FSTL5: variants seen among roughly 807,000 people sequenced by gnomAD.
FSTL5 encodes follistatin-related protein 5.
In FSTL5, 62 loss-of-function variants were observed where a neutral mutation model predicts 89.1. That is an observed-to-expected ratio of 0.70 (90% CI 0.57 to 0.86). FSTL5 has a LOEUF of 0.86. FSTL5 is among the 40% of genes least tolerant of loss of function. FSTL5 has a pLI of 0.00. For missense variants in FSTL5, 1,057 were observed against 1,001.6 expected (o/e 1.06, Z -0.75); for synonymous variants, 383 against 346.2 (o/e 1.11, Z -1.18).
At chr4:161,520,154 T>G (rs1263146871) in intron 10 of FSTL5, among the ~76,000 whole-genome samples, 1 of 152,018 alleles carries the variant, frequency 6.6e-6, no homozygotes, top group Non-Finnish European at 1.5e-5. Flanking sequence ...TACTTAGATA[T>G]TAATTAGCAT....
intron 4 of FSTL5, among the ~76,000 whole-genome samples, chr4:161,906,420 T>C (rs967756894): frequency 3.9e-5 from 6 of 152,092 alleles, no homozygotes; most frequent in South Asian, 2.1e-4. Context: ...TGATTGGAAA[T>C]GAGGTTGGAA....
At chr4:161,812,191 T>C (rs1215499097) in intron 4 of FSTL5, among the ~76,000 whole-genome samples, 1 of 152,206 alleles carries the variant, frequency 6.6e-6, no homozygotes, top group Admixed American at 6.5e-5. Flanking sequence ...TTAACAGATG[T>C]TTCATTTAAA....
At chr4:161,762,660 T>C (rs988599960) in intron 5 of FSTL5, among the ~76,000 whole-genome samples, 2 of 152,220 alleles carry the variant, frequency 1.3e-5, no homozygotes, top group African/African-American at 4.8e-5. Flanking sequence ...CAAGATACCA[T>C]CTTATGATCT....
chr4:161,980,840 G>T (rs1309234035), intron 3 of FSTL5, among the ~76,000 whole-genome samples: 3 of 133,372 alleles, frequency 2.2e-5, no homozygotes, highest in Non-Finnish European at 3.1e-5. Context: ...GCAATGGCGC[G>T]ATCTCGGCAC....
At chr4:161,430,629 A>G (rs1438973271) in intron 15 of FSTL5, among the ~76,000 whole-genome samples, 2 of 152,176 alleles carry the variant, frequency 1.3e-5, no homozygotes, top group Non-Finnish European at 2.9e-5. Flanking sequence ...AGTCCCAGCT[A>G]TTTGGGAAGC....
chr4:162,082,531 CTT>C (rs5863515), intron 2 of FSTL5, among the ~76,000 whole-genome samples: 118 of 144,676 alleles, frequency 8.2e-4, no homozygotes, highest in South Asian at 2.2e-3. Context: ...TAAACAAATT[CTT>C]TTTTTTTTTT....
intron 15 of FSTL5, among the ~76,000 whole-genome samples, chr4:161,453,324 T>C (rs527953786): frequency 6.6e-6 from 1 of 152,314 alleles, no homozygotes; most frequent in African/African-American, 2.4e-5. Flanking sequence ...TATCTAATTA[T>C]TGGTTATTAA....
chr4:162,032,654 A>T (rs983751597), intron 3 of FSTL5: 2 of 152,194 alleles, frequency 1.3e-5, no homozygotes, highest in African/African-American at 4.8e-5. Flanking sequence ...AAATGTGCAG[A>T]GAGGATTCTA....
At chr4:161,841,196 G>A (rs78885282) in intron 4 of FSTL5, among the ~76,000 whole-genome samples, 6,822 of 152,180 alleles carry the variant, frequency 0.045, 201 homozygotes, top group Non-Finnish European at 0.069. Flanking sequence ...ATTGCTCAAA[G>A]TGCATACACC....
At chr4:161,734,527 T>C (rs547547744) in intron 6 of FSTL5, among the ~76,000 whole-genome samples, 1 of 152,274 alleles carries the variant, frequency 6.6e-6, no homozygotes, top group South Asian at 2.1e-4. Flanking sequence ...ATGTAAGTGA[T>C]GTTTTGGTTC....
At chr4:161,977,612 CAAAAAAAAA>C (rs796909244) in intron 3 of FSTL5, among the ~76,000 whole-genome samples, 1,845 of 94,924 alleles carry the variant, frequency 0.019, 18 homozygotes, top group Middle Eastern at 0.043. Context: ...GACTCCGTGT[CAAAAAAAAA>C]AAAAAAAAAA....
intron 2 of FSTL5, among the ~76,000 whole-genome samples, chr4:162,084,038 T>A (rs1730207950): frequency 6.6e-6 from 1 of 151,960 alleles, no homozygotes; most frequent in African/African-American, 2.4e-5. Flanking sequence ...ATAGGCAGAA[T>A]GAATTTAGAG....
intron 5 of FSTL5, among the ~76,000 whole-genome samples, chr4:161,764,646 A>G (rs1740927228): frequency 6.6e-6 from 1 of 152,062 alleles, no homozygotes. Flanking sequence ...TTTAAAAAAA[A>G]TCAATATAGC....
chr4:161,906,703 C>T (rs1265188092), intron 4 of FSTL5, among the ~76,000 whole-genome samples: 1 of 152,038 alleles, frequency 6.6e-6, no homozygotes, highest in Non-Finnish European at 1.5e-5. Context: ...TTTATGATGA[C>T]CTGCAGTCAA....
intron 1 of FSTL5, among the ~76,000 whole-genome samples, 180 bp downstream of exon 1, chr4:162,163,435 T>C (rs1472161139): frequency 8.3e-6 from 1 of 119,904 alleles, no homozygotes; most frequent in East Asian, 2.5e-4. Flanking sequence ...ACAGATTGTC[T>C]TGTAATAATA....
At chr4:162,125,872 T>G (rs1732058519) in intron 1 of FSTL5, among the ~76,000 whole-genome samples, 1 of 152,090 alleles carries the variant, frequency 6.6e-6, no homozygotes, top group Admixed American at 6.5e-5. Flanking sequence ...TGTACTTTTG[T>G]GCCTGTGTGT....
intron 15 of FSTL5, among the ~76,000 whole-genome samples, chr4:161,440,775 C>G (rs960105012): frequency 1.3e-5 from 2 of 152,104 alleles, no homozygotes; most frequent in African/African-American, 4.8e-5. Flanking sequence ...GATTTCAACC[C>G]TCGATGCTGT....
At chr4:162,093,714 A>C (rs1730640426) in intron 2 of FSTL5, among the ~76,000 whole-genome samples, 1 of 152,198 alleles carries the variant, frequency 6.6e-6, no homozygotes. Flanking sequence ...GGGGAATGTC[A>C]TTAAGAAAAG....
intron 6 of FSTL5, among the ~76,000 whole-genome samples, chr4:161,733,074 T>C (rs1282864038): frequency 6.6e-6 from 1 of 151,976 alleles, no homozygotes; most frequent in African/African-American, 2.4e-5. Context: ...TTAACTTTTG[T>C]AGAACTGATA....
Sources: gnomAD v4.1 joint callset for allele counts (sites outside exome capture counted in the v4.1 genomes callset) on GRCh38, gnomAD v4.1.1 for gene constraint, MANE v1.5 for transcripts, NCBI Gene and HGNC (gene_info 2026-07-23, HGNC 2026-07-21) for gene names.